Variants in THSD7B observed in about 807,000 individuals in gnomAD.
The protein encoded by THSD7B is thrombospondin type 1 domain containing 7B.
Under a neutral mutation model 213.6 loss-of-function variants are expected in THSD7B, and 138 were observed. The ratio of observed to expected loss-of-function variants is 0.65; its 90% CI spans 0.56 to 0.74. The LOEUF (loss-of-function observed/expected upper bound fraction) is 0.74, where lower values mean the gene tolerates loss of function less well. THSD7B is among the 30% of genes least tolerant of loss of function. The probability of loss-of-function intolerance (pLI) is 0.00; values close to 1 mark genes in which losing one functional copy is unlikely to be tolerated. For synonymous variants in THSD7B, 742 were observed against 687.0 expected, an observed-to-expected ratio of 1.08 and a Z score of -1.25; for missense variants, 1,931 against 1,991.5, an observed-to-expected ratio of 0.97 and a Z score of 0.58.
At position 137,242,400 on chromosome 2, in the gene THSD7B, G is replaced by A. The variant is rs567580482; in HGVS notation, c.2151-57G>A. 7.4e-5 allele frequency: 99 copies of A among 1,343,018 alleles called. No homozygotes were observed. In the South Asian group the frequency reaches 1.1e-3, roughly 15 times the overall value. 83.2% of individuals were successfully genotyped at this position (1,343,018 alleles called of 1,614,324 possible). The stretch of plus-strand genomic sequence containing the variant: ...TTCGGTTCTAAAATCCTATAGTTCT[G>A]CGTTCAACGGCTTAGTCTCTCAAAA... On this transcript the variant is annotated intron_variant, in intron 9 of 27. Coordinates refer to ENST00000409968, the MANE Select transcript of THSD7B (RefSeq NM_001316349.2).
At chr2:136,802,112 C>T (rs954288624) in intron 1 of THSD7B, among the ~76,000 whole-genome samples, 10 of 151,872 alleles carry the variant, frequency 6.6e-5, no homozygotes, top group Non-Finnish European at 1.5e-4. Context: ...TATTCTGTCC[C>T]CCATTATTAG....
intron 27 of THSD7B, among the ~76,000 whole-genome samples, chr2:137,669,471 A>G (rs1387800226): frequency 6.6e-6 from 1 of 152,074 alleles, no homozygotes; most frequent in Non-Finnish European, 1.5e-5. Context: ...ATTCAAATTG[A>G]TGTTTGGCTA....
intron 12 of THSD7B, among the ~76,000 whole-genome samples, chr2:137,378,880 C>G (rs1685717294): frequency 1.3e-5 from 2 of 152,192 alleles, no homozygotes; most frequent in African/African-American, 4.8e-5. Context: ...GATGTTTCTC[C>G]TCCCTCCTCT....
intron 15 of THSD7B, among the ~76,000 whole-genome samples, chr2:137,546,366 A>AT (rs1335193987): frequency 1.9e-4 from 11 of 56,562 alleles, no homozygotes; most frequent in South Asian, 9.5e-4. Context: ...TATATATTAT[A>AT]TATATATATA....
intron 2 of THSD7B, among the ~76,000 whole-genome samples, chr2:137,000,974 C>T (rs1685988339): frequency 1.3e-5 from 2 of 152,018 alleles, no homozygotes; most frequent in African/African-American, 2.4e-5. Context: ...ACTAAAGTGT[C>T]CTCAGCTGTT....
intron 3 of THSD7B, among the ~76,000 whole-genome samples, chr2:137,068,253 A>G (rs1385622817): frequency 1.3e-5 from 2 of 152,084 alleles, no homozygotes; most frequent in East Asian, 3.9e-4. Context: ...AGAAGTCACC[A>G]TTATCTCTTC....
chr2:136,792,230 G>A (rs1681978816), intron 1 of THSD7B, among the ~76,000 whole-genome samples: 1 of 151,870 alleles, frequency 6.6e-6, no homozygotes, highest in Admixed American at 6.6e-5. Flanking sequence ...GGAAACTTAA[G>A]TGCAAATTGT....
intron 15 of THSD7B, among the ~76,000 whole-genome samples, chr2:137,537,593 G>A (rs1680530666): frequency 6.6e-6 from 1 of 151,400 alleles, no homozygotes; most frequent in African/African-American, 2.4e-5. Context: ...CCAGGTATAT[G>A]GATATTTAAT....
At chr2:137,325,153 A>C (rs1453447664) in intron 12 of THSD7B, among the ~76,000 whole-genome samples, 2 of 73,730 alleles carry the variant, frequency 2.7e-5, no homozygotes, top group Non-Finnish European at 5.9e-5. Flanking sequence ...TTCTCCACCT[A>C]CATTGTTTTT....
chr2:137,534,427 T>C (rs894989406), intron 15 of THSD7B, among the ~76,000 whole-genome samples: 1 of 151,360 alleles, frequency 6.6e-6, no homozygotes, highest in African/African-American at 2.4e-5. Flanking sequence ...TGAATATATA[T>C]ATTTTTTTCC....
At chr2:137,206,210 C>G (rs1379732317) in intron 7 of THSD7B, among the ~76,000 whole-genome samples, 1 of 151,928 alleles carries the variant, frequency 6.6e-6, no homozygotes, top group Admixed American at 6.6e-5. Flanking sequence ...TAATTCTTGA[C>G]ACCTCCCTCA....
rs147735075 is a variant in THSD7B, at chr2:137,171,816, TCTCC to T, written c.1723+890_1723+893del. 8.7e-3 allele frequency among the ~76,000 whole-genome samples: 1,331 copies of T among 152,222 alleles called. 22 individuals are homozygous for T. The highest frequency in any genetic ancestry group is 0.03 in the African/African-American group (1,258 of 41,540). On this transcript the variant is annotated intron_variant, in intron 7 of 27. Transcript: ENST00000409968. ...AAAGCTTTTCATTCCTTTTTTTCTC[TCTCC>T]CTCCCTCCCTCTCTTCATCCTTTCT...
At chr2:136,937,854 G>C (rs991928448) in intron 2 of THSD7B, among the ~76,000 whole-genome samples, 2 of 152,156 alleles carry the variant, frequency 1.3e-5, no homozygotes, top group African/African-American at 4.8e-5. Flanking sequence ...AGAAATAGTT[G>C]AGTAGAGCAG....
intron 15 of THSD7B, among the ~76,000 whole-genome samples, chr2:137,519,716 CAT>C (rs1240695382): frequency 6.6e-6 from 1 of 152,184 alleles, no homozygotes; most frequent in East Asian, 1.9e-4. Context: ...AAATGTCTAA[CAT>C]ATTAAGAGGA....
At chr2:136,921,270 T>A (rs1177945401) in intron 2 of THSD7B, among the ~76,000 whole-genome samples, 1 of 151,604 alleles carries the variant, frequency 6.6e-6, no homozygotes, top group East Asian at 1.9e-4. Context: ...TCTGCTTATA[T>A]GTAAGCCTAC....
chr2:137,285,315 C>A (rs1683143147), intron 12 of THSD7B, among the ~76,000 whole-genome samples: 1 of 152,106 alleles, frequency 6.6e-6, no homozygotes, highest in Admixed American at 6.6e-5. Flanking sequence ...AGATGGGTTT[C>A]CTGAATATAG....
chr2:137,236,316 G>A (rs56082064), intron 9 of THSD7B, among the ~76,000 whole-genome samples: 35,944 of 152,078 alleles, frequency 0.24, 4,859 homozygotes, highest in East Asian at 0.48. Context: ...AGAGTTTCTC[G>A]CAAGTTCTTG....
chr2:137,193,154 C>A (rs935127194), intron 7 of THSD7B, among the ~76,000 whole-genome samples: 7 of 152,120 alleles, frequency 4.6e-5, no homozygotes, highest in Non-Finnish European at 1.0e-4. Flanking sequence ...CGTCCAGTAA[C>A]CTGATGAGTC....
intron 12 of THSD7B, among the ~76,000 whole-genome samples, chr2:137,322,519 G>A (rs1445495540): frequency 2.0e-5 from 3 of 152,040 alleles, no homozygotes; most frequent in African/African-American, 7.2e-5. Flanking sequence ...TATATATAAC[G>A]AGACTGAATC....
Sources: allele counts gnomAD v4.1 joint callset (sites outside exome capture counted in the v4.1 genomes callset), GRCh38; gene constraint gnomAD v4.1.1; transcripts MANE v1.5; gene names NCBI Gene and HGNC (gene_info 2026-07-23, HGNC 2026-07-21).